RO60: variants seen among roughly 807,000 people sequenced by gnomAD.
RO60 encodes Ro60, Y RNA binding protein.
Under a neutral mutation model 55.3 loss-of-function variants are expected in RO60, and 20 were observed. That is an observed-to-expected ratio of 0.36 (90% CI 0.25 to 0.53). The LOEUF (loss-of-function observed/expected upper bound fraction) is 0.53. Ranked by LOEUF, RO60 falls within the 20% of genes least tolerant of loss-of-function variation. The pLI, the probability that RO60 is intolerant of heterozygous loss-of-function variation, is 0.92. For missense variants in RO60, 558 were observed against 646.6 expected (o/e 0.86, Z 1.49); for synonymous variants, 213 against 213.6 (o/e 1.00, Z 0.02).
intron 2 of RO60, chr1:193,070,526 G>GA: frequency 2.4e-6 from 1 of 412,462 alleles, no homozygotes; most frequent in African/African-American, 2.1e-5. Context: ...TTCAAAATTT[G>GA]ACTTTTTTTT....
chr1:193,060,484 A>C (rs1467325169), intron 1 of RO60, among the ~76,000 whole-genome samples: 2 of 152,162 alleles, frequency 1.3e-5, no homozygotes, highest in African/African-American at 4.8e-5. Flanking sequence ...TAAAAGCTAC[A>C]TATTCCAAGA....
chr1:193,082,763 ATTT>A (rs201236241), intron 8 of RO60, 55 bp downstream of exon 8: 5,685 of 1,132,642 alleles, frequency 5.0e-3, no homozygotes, highest in East Asian at 6.7e-3. Flanking sequence ...TTAATACTTG[ATTT>A]TTTTTTTTTT....
intron 5 of RO60, 49 bp from the exon 6 acceptor site, chr1:193,081,315 A>T: frequency 9.4e-7 from 1 of 1,063,750 alleles, no homozygotes; most frequent in Non-Finnish European, 1.4e-6. Context: ...AATTTAGTCT[A>T]CTTATAATTT....
chr1:193,060,097 TTCTC>T, intron 1 of RO60: 1 of 1,225,178 alleles, frequency 8.2e-7, no homozygotes, highest in South Asian at 1.4e-5. Context: ...CTCCTCCTCT[TTCTC>T]CTCCTTCTCC....
Position 193,072,434 on chromosome 1 carries a change from C to CT in RO60, c.580+2812dup, listed in dbSNP as rs772802885. ...ATTTTTTCTTCTTTTTTTTCTTTGT[C>CT]TTTTTTTTTTTTGGTTGGGGGACAT... is the stretch of plus-strand genomic sequence containing the variant. On this transcript the variant is annotated intron_variant, in intron 2 of 8. Transcript: ENST00000400968. Among the ~76,000 whole-genome samples, 492 of 137,858 alleles carry CT rather than the reference C, an allele frequency of 3.6e-3. 1 individual carries two copies. Among genetic ancestry groups the CT allele is most frequent in the African/African-American group, 7.6e-3 (288 of 37,652 alleles). 90.4% of individuals were successfully genotyped at this position (137,858 alleles called of 152,430 possible). A position where few individuals can be genotyped will look rare whatever the true frequency, so the allele number is the denominator to read the frequency against.
At chr1:193,077,845 C>T (rs921107178) in intron 5 of RO60, among the ~76,000 whole-genome samples, 1 of 152,200 alleles carries the variant, frequency 6.6e-6, no homozygotes, top group Non-Finnish European at 1.5e-5. Flanking sequence ...CAACCCATAT[C>T]ACTAACTTTA....
At position 193,085,955 on chromosome 1, in the gene RO60, T is replaced by C; in HGVS notation, c.*1224T>C. 1.0e-6 allele frequency: 1 copy of C among 985,308 alleles called. No individual in the cohort carries two copies. The highest frequency in any genetic ancestry group is 1.2e-6 in the Non-Finnish European group (1 of 829,828). The allele number at this position is 985,308 out of a possible 1,614,324, so 61.0% of individuals were successfully genotyped here. ...TGAGCAAGTATCCTTCATTGTGAGG[T>C]TTAACATTAAAGCAATCTGTTGAAA... On this transcript the variant is annotated 3_prime_UTR_variant, in exon 9 of 9. Coordinates refer to ENST00000400968, the MANE Select transcript of RO60 (RefSeq NM_001173524.2).
At position 193,076,518 on chromosome 1, in the gene RO60, A is replaced by G. The variant is rs551220298; in HGVS notation, c.819A>G (p.Leu273=). The change falls in exon 4 of 9, where the codon TTA becomes TTG. Residue 273 remains leucine (L), a synonymous_variant. Transcript: ENST00000400968. The stretch of plus-strand genomic sequence containing the variant: ...TGCAATAGGTATGGAAGGCTTTGTT[A>G]CAAGAAATGCCGCTTACTGCATTAC... The part of the protein sequence containing the change: ...LKSKEVWKAL[L]QEMPLTALLR... 1.8e-5 allele frequency: 29 copies of G among 1,611,354 alleles called. No homozygotes were observed. The highest frequency in any genetic ancestry group is 9.3e-6 in the Non-Finnish European group (11 of 1,179,086).
rs1442953282 is a variant in RO60 at position 193,085,743 on chromosome 1, CATT to C, written c.*1016_*1018del. ...TATACATGTCAATGGCCTCTTTGTCCATTATTCATTTTGTGGCAAAATATTCTT... is the reference window on the plus strand; with the variant it reads ...TATACATGTCAATGGCCTCTTTGTCCATTCATTTTGTGGCAAAATATTCTT... On this transcript the variant is annotated 3_prime_UTR_variant, in exon 9 of 9. Coordinates refer to ENST00000400968, the MANE Select transcript of RO60 (RefSeq NM_001173524.2). The C allele has an allele frequency of 1.0e-6, 1 of 984,024 alleles. No individual in the cohort carries two copies. The highest frequency in any genetic ancestry group is 1.2e-6 in the Non-Finnish European group (1 of 829,252). 61.0% of individuals were successfully genotyped at this position (984,024 alleles called of 1,614,324 possible).
In RO60 at chr1:193,059,848, C is replaced by T; in HGVS notation, c.-22+72C>T. Reference sequence around the variant, plus strand: ...AGGGACGCGCAAATTCTGACCAGTCCTCCATGTCTCTCACCCGCATCCCAG... The same window carrying T: ...AGGGACGCGCAAATTCTGACCAGTCTTCCATGTCTCTCACCCGCATCCCAG... On this transcript the variant is annotated intron_variant, in intron 1 of 8. Transcript: ENST00000400968. This position sits in a 1 kb window ranked among gnomAD's most constrained non-coding sequence, Gnocchi z 4.9. 1 of 1,362,502 alleles carries T rather than the reference C, an allele frequency of 7.3e-7. No individual in the cohort carries two copies. Among genetic ancestry groups the T allele is most frequent in the Non-Finnish European group, 9.8e-7 (1 of 1,020,086 alleles). The allele number at this position is 1,362,502 out of a possible 1,614,324, so 84.4% of individuals were successfully genotyped here.
chr1:193,077,148 T>C (rs1420720348), intron 5 of RO60, 98 bp downstream of exon 5: 18 of 1,201,846 alleles, frequency 1.5e-5, no homozygotes, highest in Non-Finnish European at 1.9e-5. Flanking sequence ...TAATCATTTT[T>C]TAATTAGGTA....
At chr1:193,071,275 C>G (rs765219885) in intron 2 of RO60, among the ~76,000 whole-genome samples, 48 of 152,296 alleles carry the variant, frequency 3.2e-4, no homozygotes, top group Non-Finnish European at 5.4e-4. Flanking sequence ...CGTGTATAGC[C>G]TGGGAGTTGA....
intron 1 of RO60, among the ~76,000 whole-genome samples, chr1:193,063,477 A>C (rs1385991670): frequency 6.6e-6 from 1 of 152,190 alleles, no homozygotes; most frequent in Non-Finnish European, 1.5e-5. Context: ...TATTGTATGT[A>C]TGATTTGCAA....
At chr1:193,073,385 T>C (rs1043488530) in intron 2 of RO60, among the ~76,000 whole-genome samples, 1 of 152,360 alleles carries the variant, frequency 6.6e-6, no homozygotes, top group East Asian at 1.9e-4. Context: ...TACAATATTT[T>C]TGGGTAAAAA....
rs1674409662 is a variant in RO60, at chr1:193,082,840, C to A, written c.1464+132C>A. 5.8e-6 allele frequency: 4 copies of A among 688,236 alleles called. No homozygotes were observed. In the Admixed American group the frequency reaches 1.0e-4, roughly 17 times the overall value. The allele number at this position is 688,236 out of a possible 1,614,324, so 42.6% of individuals were successfully genotyped here. A position where few individuals can be genotyped will look rare whatever the true frequency, so the allele number is the denominator to read the frequency against. On this transcript the variant is annotated intron_variant, in intron 8 of 8. Coordinates refer to ENST00000400968, the MANE Select transcript of RO60 (RefSeq NM_001173524.2). ...AGTGCAGTGGCTCAGTCATAGCTCACTGCAACCTCAACCTCCCAGGCTTAA... is the reference window on the plus strand; with the variant it reads ...AGTGCAGTGGCTCAGTCATAGCTCAATGCAACCTCAACCTCCCAGGCTTAA...
In RO60 at chr1:193,085,227, AC is replaced by A; in HGVS notation, c.*497del. 3 of 1,171,792 alleles carry A rather than the reference AC, an allele frequency of 2.6e-6. No individual in the cohort carries two copies. The highest frequency in any genetic ancestry group is 1.1e-6 in the Non-Finnish European group (1 of 947,374). 72.6% of individuals were successfully genotyped at this position (1,171,792 alleles called of 1,614,324 possible). Reference sequence around the variant, plus strand: ...TTATACCAAGGGGGTAAAAAAAAAAACTAAGGCATTTGATTAAATTATGAAT... The same window carrying A: ...TTATACCAAGGGGGTAAAAAAAAAAATAAGGCATTTGATTAAATTATGAAT... On this transcript the variant is annotated 3_prime_UTR_variant, in exon 9 of 9. Transcript: ENST00000400968.
At chr1:193,062,697 G>A (rs1672860926) in intron 1 of RO60, among the ~76,000 whole-genome samples, 1 of 152,062 alleles carries the variant, frequency 6.6e-6, no homozygotes, top group Admixed American at 6.5e-5. Context: ...CACTCCGACA[G>A]CCTCTGACAA....
intron 5 of RO60, among the ~76,000 whole-genome samples, chr1:193,077,541 C>G (rs1435840521): frequency 6.6e-6 from 1 of 152,124 alleles, no homozygotes; most frequent in Non-Finnish European, 1.5e-5. Flanking sequence ...ATAAAACCAT[C>G]AGATCTCGTG....
chr1:193,079,967 A>G (rs1260570380), intron 5 of RO60, among the ~76,000 whole-genome samples: 1 of 151,506 alleles, frequency 6.6e-6, no homozygotes. Flanking sequence ...TCTCTAAAAA[A>G]AAAAAAAAAA....
Sources: gnomAD v4.1 joint callset for allele counts (sites outside exome capture counted in the v4.1 genomes callset) on GRCh38, gnomAD v4.1.1 for gene constraint, Gnocchi (gnomAD v3.1) non-coding constraint, MANE v1.5 for transcripts, NCBI Gene and HGNC (gene_info 2026-07-23, HGNC 2026-07-21) for gene names.